The following BRCA1 variants were observed in gnomAD, a reference collection of about 807,000 sequenced individuals.
BRCA1 encodes BRCA1 DNA repair associated.
BRCA1 carries 140 observed loss-of-function variants against 173.7 expected under a neutral mutation model. The ratio of observed to expected loss-of-function variants is 0.81; its 90% CI spans 0.70 to 0.93. BRCA1 has a LOEUF of 0.93. Among genes scored for constraint, BRCA1 ranks in the 40% least tolerant of loss-of-function variants. The pLI is 0.00. For synonymous variants in BRCA1, 662 were observed against 756.0 expected (o/e 0.88, Z 2.04); for missense variants, 1,983 against 2,172.5 (o/e 0.91, Z 1.73).
At chr17:43,048,533 T>A (rs77510730) in intron 21 of BRCA1, among the ~76,000 whole-genome samples, 11 of 145,866 alleles carry the variant, frequency 7.5e-5, no homozygotes, top group Non-Finnish European at 1.2e-4. Flanking sequence ...TTTTTTTTTT[T>A]AGACAAAGTC....
Position 43,094,464 on chromosome 17 carries a change from T to C in BRCA1, c.1067A>G (p.Gln356Arg), listed in dbSNP as rs1799950. The C allele has an allele frequency of 0.055, 88,872 of 1,614,048 alleles. 2,838 individuals carry two copies. Among genetic ancestry groups the C allele is most frequent in the Non-Finnish European group, 0.063 (74,129 of 1,180,014 alleles). Residue 356 changes from glutamine (Q) to arginine (R), a missense_variant, in exon 10 of 23, where the codon CAG (glutamine) becomes CGG (arginine). Gln to Arg is a conservative substitution (Grantham distance 43). Transcript: ENST00000357654. ...AGGATTCTCTGAGCATGGCAGTTTCTGCTTATTCCATTCTTTTCTCTCACA... is the reference window on the plus strand; with the variant it reads ...AGGATTCTCTGAGCATGGCAGTTTCCGCTTATTCCATTCTTTTCTCTCACA... Reference protein sequence around the residue: ...PLCERKEWNKQKLPCSENPRD... With the variant: ...PLCERKEWNKRKLPCSENPRD...
chr17:43,155,519 C>A (rs183968879), intron 1 of BRCA1, among the ~76,000 whole-genome samples: 1 of 152,126 alleles, frequency 6.6e-6, no homozygotes, highest in African/African-American at 2.4e-5. Flanking sequence ...GTGTGAGCTA[C>A]TATGTCCAGT....
intron 3 of BRCA1, among the ~76,000 whole-genome samples, chr17:43,115,241 C>T (rs1459848214): frequency 6.6e-6 from 1 of 152,138 alleles, no homozygotes; most frequent in African/African-American, 2.4e-5. Context: ...TGGTGGCTCA[C>T]GCCTGTAATC....
intron 22 of BRCA1, among the ~76,000 whole-genome samples, chr17:43,047,298 T>C (rs1263803700): frequency 6.6e-6 from 1 of 151,822 alleles, no homozygotes; most frequent in Non-Finnish European, 1.5e-5. Flanking sequence ...TGAAGTCTCC[T>C]TATGTTGCCC....
chr17:43,123,990 A>G (rs1213255171), intron 2 of BRCA1, 27 bp downstream of exon 2: 1 of 1,567,090 alleles, frequency 6.4e-7, no homozygotes, highest in South Asian at 1.1e-5. Context: ...AGGAATCCCA[A>G]ATTAATACAC....
In BRCA1 at chr17:43,099,959, A is replaced by G. The variant is rs1219470144; in HGVS notation, c.442-79T>C. 7.2e-6 allele frequency: 8 copies of G among 1,103,682 alleles called. No homozygotes were observed. The Admixed American group carries it at 8.5e-5, about 12-fold the overall frequency. The allele number at this position is 1,103,682 out of a possible 1,614,324, so 68.4% of individuals were successfully genotyped here. Reference sequence around the variant, plus strand: ...TCCTCCTGAAGAGAAACTTGACACCATGGACAAAATAAATTGACCATCATC... The same window carrying G: ...TCCTCCTGAAGAGAAACTTGACACCGTGGACAAAATAAATTGACCATCATC... On this transcript the variant is annotated intron_variant, in intron 6 of 22. Coordinates refer to ENST00000357654, the MANE Select transcript of BRCA1 (RefSeq NM_007294.4).
chr17:43,118,557 G>A (rs1451635636), intron 2 of BRCA1, among the ~76,000 whole-genome samples: 5 of 151,820 alleles, frequency 3.3e-5, no homozygotes, highest in African/African-American at 9.7e-5. Flanking sequence ...AAAGTACTGG[G>A]ATTACAGGAG....
intron 18 of BRCA1, among the ~76,000 whole-genome samples, chr17:43,057,545 A>G (rs2051555630): frequency 6.6e-6 from 1 of 151,056 alleles, no homozygotes; most frequent in Non-Finnish European, 1.5e-5. Flanking sequence ...ATTAAAAAAA[A>G]AAAAATTAGG....
chr17:43,051,198 C>G, intron 19 of BRCA1, 81 bp from the exon 20 acceptor site: 1 of 1,323,824 alleles, frequency 7.6e-7, no homozygotes, highest in Non-Finnish European at 1.1e-6. Flanking sequence ...GGCTTTTATT[C>G]AAAAAACAGA....
At chr17:43,145,393 C>T in intron 1 of BRCA1, 3 of 389,738 alleles carry the variant, frequency 7.7e-6, no homozygotes, top group Non-Finnish European at 1.5e-5. Context: ...GTGGTGCGAT[C>T]TCGGCTCACT....
At chr17:43,077,411 A>G (rs1019110718) in intron 12 of BRCA1, among the ~76,000 whole-genome samples, 1 of 151,782 alleles carries the variant, frequency 6.6e-6, no homozygotes, top group Non-Finnish European at 1.5e-5. Flanking sequence ...GCTCACTGCA[A>G]CCTCCACCTC....
At chr17:43,108,814 G>A (rs1352986060) in intron 3 of BRCA1, among the ~76,000 whole-genome samples, 1 of 149,444 alleles carries the variant, frequency 6.7e-6, no homozygotes, top group Non-Finnish European at 1.5e-5. Context: ...CCAACACGGA[G>A]AAACCCTGTC....
intron 9 of BRCA1, 94 bp downstream of exon 9, chr17:43,095,752 A>G (rs2054104134): frequency 4.8e-6 from 5 of 1,036,198 alleles, no homozygotes; most frequent in Non-Finnish European, 7.4e-6. Flanking sequence ...TGGGTTGTAA[A>G]GGTCCCAAAT....
chr17:43,049,094 C>A (rs1296032988), intron 21 of BRCA1, 27 bp downstream of exon 21: 1 of 1,605,256 alleles, frequency 6.2e-7, no homozygotes. Context: ...TGTGTCCTCC[C>A]TCTCTGACAG....
At chr17:43,133,741 T>G (rs1022089890) in intron 1 of BRCA1, among the ~76,000 whole-genome samples, 4 of 151,738 alleles carry the variant, frequency 2.6e-5, no homozygotes, top group East Asian at 1.9e-4. Flanking sequence ...TTCAAGCAAT[T>G]ATCATACCTT....
At chr17:43,138,182 C>T in intron 1 of BRCA1, 1 of 182,116 alleles carries the variant, frequency 5.5e-6, no homozygotes, top group Non-Finnish European at 1.2e-5. Context: ...GAAACTCCAT[C>T]TCAAAAGGAA....
rs375357592 is a variant in BRCA1, at chr17:43,044,630, A to G, written c.*1048T>C. 1.4e-5 allele frequency: 7 copies of G among 503,650 alleles called. 1 individual carries two copies. In the East Asian group the frequency reaches 2.7e-4, roughly 19 times the overall value. 31.2% of individuals were successfully genotyped at this position (503,650 alleles called of 1,614,324 possible). The stretch of plus-strand genomic sequence containing the variant: ...CCAGAGGTCTTATATTTTAAGAGGA[A>G]TGGATTATATACCAGAGCTACAACA... On this transcript the variant is annotated 3_prime_UTR_variant, in exon 23 of 23. Transcript: ENST00000357654.
chr17:43,086,149 G>T (rs1261345988), intron 11 of BRCA1, among the ~76,000 whole-genome samples: 1 of 89,858 alleles, frequency 1.1e-5, no homozygotes, highest in African/African-American at 6.7e-5. Context: ...CACACACACA[G>T]AAGTCCCCAC....
At position 43,070,917 on chromosome 17, in the gene BRCA1, G is replaced by A. The variant is rs1597830101; in HGVS notation, c.4986+11C>T. The A allele has an allele frequency of 6.2e-7, 1 of 1,613,824 alleles. No individual in the cohort carries two copies. The highest frequency in any genetic ancestry group is 8.5e-7 in the Non-Finnish European group (1 of 1,179,912). Reference sequence around the variant, plus strand: ...CTTAGTCATTAGGGAGATACATATGGATACACTCACAAATTCTTCTGGGGT... The same window carrying A: ...CTTAGTCATTAGGGAGATACATATGAATACACTCACAAATTCTTCTGGGGT... On this transcript the variant is annotated intron_variant, in intron 15 of 22. Transcript: ENST00000357654.
Sources: gnomAD v4.1 joint callset for allele counts (sites outside exome capture counted in the v4.1 genomes callset) on GRCh38, gnomAD v4.1.1 for gene constraint, MANE v1.5 for transcripts, NCBI Gene and HGNC (gene_info 2026-07-23, HGNC 2026-07-21) for gene names.